Variants in OR2L13 observed in about 807,000 individuals in gnomAD.
The protein encoded by OR2L13 is olfactory receptor 2L13.
Under a neutral mutation model 15.3 loss-of-function variants are expected in OR2L13, and 14 were observed. That is an observed-to-expected ratio of 0.91 (90% CI 0.60 to 1.43). The LOEUF is 1.43. OR2L13 is among the 40% of genes most tolerant of loss of function. The pLI is 0.00. For missense variants in OR2L13, 367 were observed against 387.9 expected (o/e 0.95, Z 0.45); for synonymous variants, 152 against 142.9 (o/e 1.06, Z -0.45).
At chr1:247,985,466 T>G in the OR2L13 span, among the ~76,000 whole-genome samples, 2 of 152,200 alleles carry the variant, frequency 1.3e-5, no homozygotes, top group East Asian at 3.8e-4. Context: ...TGCATAGTAT[T>G]CCATGGTGTA....
the OR2L13 span, among the ~76,000 whole-genome samples, chr1:248,066,680 C>T: frequency 6.6e-6 from 1 of 152,176 alleles, no homozygotes; most frequent in Non-Finnish European, 1.5e-5. Context: ...ATACATTTGT[C>T]TTCCTCAGTC....
chr1:248,022,056 G>A, the OR2L13 span: 2 of 1,613,734 alleles, frequency 1.2e-6, no homozygotes, highest in Admixed American at 1.7e-5. Context: ...TTTCCTAATG[G>A]CTCTAATTGG....
chr1:247,970,743 A>G, the OR2L13 span, among the ~76,000 whole-genome samples: 6 of 152,198 alleles, frequency 3.9e-5, no homozygotes, highest in Non-Finnish European at 8.8e-5. Context: ...AACTTGTAGA[A>G]GAGTTACTCA....
At chr1:248,038,674 G>A in the OR2L13 span, 3 of 1,614,004 alleles carry the variant, frequency 1.9e-6, no homozygotes, top group African/African-American at 1.3e-5. Flanking sequence ...ATCCGTATAA[G>A]CAAAAGAGTG....
At chr1:248,019,494 G>A in the OR2L13 span, among the ~76,000 whole-genome samples, 4 of 151,918 alleles carry the variant, frequency 2.6e-5, no homozygotes, top group African/African-American at 9.7e-5. Flanking sequence ...ATACTTTTAT[G>A]GTTTTAGCTC....
At chr1:247,976,397 A>G in the OR2L13 span, among the ~76,000 whole-genome samples, 1 of 152,180 alleles carries the variant, frequency 6.6e-6, no homozygotes, top group African/African-American at 2.4e-5. Context: ...CTGCTCCACT[A>G]TTTTTATACC....
the OR2L13 span, among the ~76,000 whole-genome samples, chr1:247,982,338 G>T: frequency 6.6e-6 from 1 of 152,054 alleles, no homozygotes; most frequent in Non-Finnish European, 1.5e-5. Flanking sequence ...TTGTGATTCA[G>T]TTACTCTTTC....
chr1:248,094,538 C>G (rs2103193621), upstream of OR2L13, among the ~76,000 whole-genome samples: 1 of 152,318 alleles, frequency 6.6e-6, no homozygotes, highest in South Asian at 2.1e-4. Flanking sequence ...ATTTTCCCAA[C>G]TCAGCTTCCT....
the OR2L13 span, among the ~76,000 whole-genome samples, chr1:247,960,046 C>T: frequency 3.9e-5 from 6 of 152,152 alleles, no homozygotes; most frequent in African/African-American, 1.4e-4. Context: ...TTTTTCTGCT[C>T]TGTTTTTTCC....
chr1:248,038,839 C>T, the OR2L13 span: 7 of 1,614,162 alleles, frequency 4.3e-6, no homozygotes, highest in Non-Finnish European at 5.9e-6. Flanking sequence ...TGCACAGACA[C>T]TTGGGTCTAT....
the OR2L13 span, among the ~76,000 whole-genome samples, chr1:247,985,414 T>A: frequency 6.6e-6 from 1 of 152,192 alleles, no homozygotes; most frequent in African/African-American, 2.4e-5. Context: ...TCCAGCTTCA[T>A]CCATGTCCCT....
At chr1:248,076,181 C>A in the OR2L13 span, among the ~76,000 whole-genome samples, 6 of 152,018 alleles carry the variant, frequency 3.9e-5, no homozygotes. Flanking sequence ...ATTTCTGAGA[C>A]CTCTATTCTG....
the OR2L13 span, among the ~76,000 whole-genome samples, chr1:247,967,657 C>G: frequency 6.6e-6 from 1 of 151,944 alleles, no homozygotes; most frequent in Non-Finnish European, 1.5e-5. Flanking sequence ...TCCAGAAATA[C>G]CAGCTTTTGA....
chr1:247,986,843 T>C, the OR2L13 span, among the ~76,000 whole-genome samples: 9 of 152,188 alleles, frequency 5.9e-5, no homozygotes, highest in Non-Finnish European at 1.0e-4. Context: ...TTGTAAGTTG[T>C]ATTCCTACGT....
the OR2L13 span, chr1:248,062,247 A>T: frequency 6.6e-6 from 1 of 152,284 alleles, no homozygotes; most frequent in South Asian, 2.1e-4. Context: ...AACATTAGGT[A>T]TATTTTAGAT....
the OR2L13 span, among the ~76,000 whole-genome samples, chr1:248,057,406 T>G: frequency 6.6e-6 from 1 of 152,208 alleles, no homozygotes; most frequent in Non-Finnish European, 1.5e-5. Context: ...TCTTTGTCTT[T>G]TTTGACCTTT....
At chr1:247,996,312 G>A in the OR2L13 span, among the ~76,000 whole-genome samples, 1 of 152,152 alleles carries the variant, frequency 6.6e-6, no homozygotes, top group East Asian at 1.9e-4. Flanking sequence ...CCTGAATCTT[G>A]TATCTTTGGG....
chr1:248,042,054 A>G, the OR2L13 span: 1 of 152,116 alleles, frequency 6.6e-6, no homozygotes, highest in Admixed American at 6.5e-5. Flanking sequence ...ACACATGCAC[A>G]CCTATGTTTA....
the OR2L13 span, among the ~76,000 whole-genome samples, chr1:248,043,113 C>T: frequency 1.3e-3 from 199 of 151,952 alleles, no homozygotes; most frequent in African/African-American, 4.6e-3. Context: ...TTTATTTCTG[C>T]GGTGTCCAGG....
Sources: allele counts gnomAD v4.1 joint callset (sites outside exome capture counted in the v4.1 genomes callset), GRCh38; gene constraint gnomAD v4.1.1; transcripts MANE v1.5; gene names NCBI Gene and HGNC (gene_info 2026-07-23, HGNC 2026-07-21).